The following LYG1 variants were observed in gnomAD, a reference collection of about 807,000 sequenced individuals.
The protein encoded by LYG1 is lysozyme g1, also known as lysozyme g-like protein 1.
A neutral mutation model predicts 21.7 loss-of-function variants in LYG1; 17 were observed. The ratio of observed to expected loss-of-function variants is 0.78; its 90% CI spans 0.54 to 1.18. The LOEUF (loss-of-function observed/expected upper bound fraction) is 1.18, where lower values mean the gene tolerates loss of function less well. LYG1 is among the 50% of genes most tolerant of loss of function. The pLI is 0.00. For missense variants in LYG1, 211 were observed against 238.1 expected (o/e 0.89, Z 0.75); for synonymous variants, 81 against 87.4 (o/e 0.93, Z 0.41).
chr2:99,303,377 T>C (rs13026997), upstream of LYG1, among the ~76,000 whole-genome samples: 56,267 of 151,872 alleles, frequency 0.37, 11,178 homozygotes, highest in East Asian at 0.63. Context: ...CAGAGGGCCA[T>C]GTTAGCATCC....
At chr2:99,299,246 C>A (rs1002957685) in intron 1 of LYG1, among the ~76,000 whole-genome samples, 1 of 144,890 alleles carries the variant, frequency 6.9e-6, no homozygotes, top group Non-Finnish European at 1.5e-5. Context: ...TTTTCTTTTT[C>A]TTTTCTTTTT....
chr2:99,296,464 C>T (rs1401011408), intron 2 of LYG1, among the ~76,000 whole-genome samples: 1 of 152,174 alleles, frequency 6.6e-6, no homozygotes, highest in African/African-American at 2.4e-5. Context: ...TGTGCTCTCT[C>T]TCTCTCTTAT....
intron 5 of LYG1, among the ~76,000 whole-genome samples, chr2:99,288,643 A>G (rs1013407192): frequency 1.3e-5 from 2 of 152,072 alleles, no homozygotes; most frequent in Admixed American, 6.6e-5. Flanking sequence ...ATTTCAGCTC[A>G]CTGCAACCTC....
intron 5 of LYG1, among the ~76,000 whole-genome samples, chr2:99,290,858 T>TC (rs1481334203): frequency 6.6e-6 from 1 of 152,218 alleles, no homozygotes; most frequent in African/African-American, 2.4e-5. Context: ...ATAATAATGC[T>TC]GTAAGAATGG....
At chr2:99,284,851 G>A (rs200255945) in intron 5 of LYG1, 31 bp from the exon 6 acceptor site, 24 of 1,609,418 alleles carry the variant, frequency 1.5e-5, no homozygotes, top group South Asian at 8.8e-5. Context: ...AAGAAGCCAC[G>A]TAAGCTGGGT....
chr2:99,293,495 A>G (rs1922624), intron 3 of LYG1, among the ~76,000 whole-genome samples: 35,188 of 152,180 alleles, frequency 0.23, 4,229 homozygotes, highest in Admixed American at 0.32. Context: ...ACACTTCTAG[A>G]TAAGAGCCTA....
In LYG1 at chr2:99,291,391, A is replaced by G. The variant is rs1227650350; in HGVS notation, c.179T>C (p.Ile60Thr). The G allele has an allele frequency of 2.5e-6, 4 of 1,614,052 alleles. No individual in the cohort carries two copies. Among genetic ancestry groups the G allele is most frequent in the East Asian group, 4.5e-5 (2 of 44,894 alleles). Reference sequence around the variant, plus strand: ...ATATTTCAGGAGGTATGGCATGTCTATTTCAGCCAGCCTTTCAGAAGCACG... The same window carrying G: ...ATATTTCAGGAGGTATGGCATGTCTGTTTCAGCCAGCCTTTCAGAAGCACG... ...GVRASERLAE[I>T]DMPYLLKYQP... Residue 60 changes from isoleucine (I) to threonine (T), a missense_variant, in exon 5 of 7, where the codon ATA becomes ACA. Coordinates refer to ENST00000308528, the MANE Select transcript of LYG1 (RefSeq NM_174898.3).
Position 99,289,347 on chromosome 2 carries a change from C to T in LYG1, c.333+1890G>A, listed in dbSNP as rs141796796. Among the ~76,000 whole-genome samples, 1,036 of 151,850 alleles carry T rather than the reference C, an allele frequency of 6.8e-3. 3 individuals are homozygous for T. Among genetic ancestry groups the T allele is most frequent in the Admixed American group, 0.011 (162 of 15,234 alleles). On this transcript the variant is annotated intron_variant, in intron 5 of 6. Coordinates refer to ENST00000308528, the MANE Select transcript of LYG1 (RefSeq NM_174898.3). Reference sequence around the variant, plus strand: ...TGGTGGTGCATGCTTGTAGTCCCAGCTACTTGGGAGGCTGAGGAGGATCGT... The same window carrying T: ...TGGTGGTGCATGCTTGTAGTCCCAGTTACTTGGGAGGCTGAGGAGGATCGT...
At chr2:99,300,042 CAAATATA>C (rs2094149785) in intron 1 of LYG1, among the ~76,000 whole-genome samples, 1 of 151,380 alleles carries the variant, frequency 6.6e-6, no homozygotes. Flanking sequence ...AATGTAGTCA[CAAATATA>C]AAATAATATA....
In LYG1 at chr2:99,292,822, T is replaced by C. The variant is rs3811554; in HGVS notation, c.44-182A>G. On this transcript the variant is annotated intron_variant, in intron 3 of 6. Coordinates refer to ENST00000308528, the MANE Select transcript of LYG1 (RefSeq NM_174898.3). ...CCCATAAATGATCACAAAAACTTCC[T>C]CAATACCAAATTCTCACCTGCTCCC... 3.5e-4 allele frequency among the ~76,000 whole-genome samples: 53 copies of C among 152,202 alleles called. 2 individuals are homozygous for C. The East Asian group carries it at 0.01, about 29-fold the overall frequency.
intron 1 of LYG1, among the ~76,000 whole-genome samples, chr2:99,300,024 G>A (rs1384339650): frequency 4.0e-5 from 6 of 151,492 alleles, no homozygotes; most frequent in East Asian, 1.9e-4. Flanking sequence ...AATTAAAATA[G>A]TAATAGCAAT....
At chr2:99,302,078 G>A (rs1407172745), upstream of LYG1, among the ~76,000 whole-genome samples, 2 of 152,158 alleles carry the variant, frequency 1.3e-5, no homozygotes, top group Non-Finnish European at 2.9e-5. Flanking sequence ...CTTTGCACTA[G>A]GCATTCCTAC....
In LYG1 at chr2:99,284,279, T is replaced by TA. The variant is rs1229401129; in HGVS notation, c.*113dup. ...TCCTTTAATGTGATTCATGTTATTT[T>TA]AATGACTTTTAGGTCAAACTCAGAT... On this transcript the variant is annotated 3_prime_UTR_variant, in exon 7 of 7. Transcript: ENST00000308528. The TA allele has an allele frequency of 3.8e-5, 32 of 840,842 alleles. No individual in the cohort carries two copies. Among genetic ancestry groups the TA allele is most frequent in the Non-Finnish European group, 6.0e-5 (31 of 515,816 alleles). The allele number at this position is 840,842 out of a possible 1,614,324, so 52.1% of individuals were successfully genotyped here.
chr2:99,286,225 A>T (rs2094099267), intron 5 of LYG1, among the ~76,000 whole-genome samples: 1 of 152,192 alleles, frequency 6.6e-6, no homozygotes. Context: ...TGTAAGTAAT[A>T]AATTTTATTT....
Position 99,284,427 on chromosome 2 carries a change from G to A in LYG1, c.551C>T (p.Ala184Val). The change falls in exon 7 of 7, where the codon GCA (alanine) becomes GTA (valine). Residue 184 changes from alanine (A) to valine (V), a missense_variant. Physicochemically the swap from Ala to Val is moderately conservative, Grantham distance 64 (BLOSUM62 0). Transcript: ENST00000308528. ...LSCDFCNDVLARAKYLKRHGF is the reference protein window; with the variant it reads ...LSCDFCNDVLVRAKYLKRHGF ...ATGTCTCTTGAGGTACTTGGCTCGT[G>A]CAAGGACATCATTGCAGAAGTCACA... 6.2e-7 allele frequency: 1 copy of A among 1,614,174 alleles called. No homozygotes were observed. Among genetic ancestry groups the A allele is most frequent in the Non-Finnish European group, 8.5e-7 (1 of 1,180,018 alleles).
At chr2:99,301,965 GA>G (rs2094155885), upstream of LYG1, among the ~76,000 whole-genome samples, 1 of 152,164 alleles carries the variant, frequency 6.6e-6, no homozygotes, top group Non-Finnish European at 1.5e-5. Context: ...CCAAGTTGTG[GA>G]AAGGGTGCAT....
At chr2:99,301,505 G>A (rs2094154140), upstream of LYG1, among the ~76,000 whole-genome samples, 1 of 100,148 alleles carries the variant, frequency 1.0e-5, no homozygotes, top group South Asian at 3.3e-4. Flanking sequence ...AAGAAGGAAG[G>A]AAGGAAGGGA....
At chr2:99,289,112 C>G (rs959482447) in intron 5 of LYG1, among the ~76,000 whole-genome samples, 6 of 152,082 alleles carry the variant, frequency 3.9e-5, no homozygotes, top group Non-Finnish European at 7.4e-5. Flanking sequence ...AACAAGAGCT[C>G]CAGGTGTTCA....
intron 2 of LYG1, among the ~76,000 whole-genome samples, chr2:99,296,660 C>A (rs1362340377): frequency 6.6e-6 from 1 of 152,172 alleles, no homozygotes; most frequent in African/African-American, 2.4e-5. Context: ...TGTATGTCAT[C>A]ATTGCCCCAG....
Sources: allele counts gnomAD v4.1 joint callset (sites outside exome capture counted in the v4.1 genomes callset), GRCh38; gene constraint gnomAD v4.1.1; transcripts MANE v1.5; gene names NCBI Gene and HGNC (gene_info 2026-07-23, HGNC 2026-07-21).